SPATA13: variants seen among roughly 807,000 people sequenced by gnomAD.
The protein encoded by SPATA13 is spermatogenesis-associated protein 13.
A neutral mutation model predicts 104.0 loss-of-function variants in SPATA13; 50 were observed. The observed-to-expected ratio is 0.48, with a 90% CI of 0.38 to 0.61. The LOEUF is 0.61. SPATA13 is among the 20% of genes least tolerant of loss of function. SPATA13 has a pLI of 0.00. For synonymous variants in SPATA13, 606 were observed against 667.5 expected, an observed-to-expected ratio of 0.91 and a Z score of 1.42; for missense variants, 1,524 against 1,690.6, an observed-to-expected ratio of 0.90 and a Z score of 1.73.
rs185306765 is a variant in SPATA13 at position 24,104,855 on chromosome 13, A to G, written c.-112+87154A>G. On this transcript the variant is annotated intron_variant, in intron 3 of 14. Coordinates refer to the SPATA13 transcript ENST00000424834. ...CTCCTCTCCAGTTTTATTCATGCTC[A>G]CTCCCCCAGCTCCTCGCCAGAGGCC... Among the ~76,000 whole-genome samples, 388 of 151,810 alleles carry G rather than the reference A, an allele frequency of 2.6e-3. 1 individual carries two copies. Among genetic ancestry groups the G allele is most frequent in the Non-Finnish European group, 4.3e-3 (290 of 67,902 alleles).
At chr13:24,130,160 T>C (rs1030264171) in intron 3 of SPATA13, among the ~76,000 whole-genome samples, 7 of 152,200 alleles carry the variant, frequency 4.6e-5, no homozygotes, top group African/African-American at 1.7e-4. Flanking sequence ...CCTGCCTGGG[T>C]GCTCAGCACT....
At chr13:24,281,370 G>A (rs1314196795) in intron 4 of SPATA13, among the ~76,000 whole-genome samples, 2 of 152,174 alleles carry the variant, frequency 1.3e-5, no homozygotes, top group African/African-American at 4.8e-5. Context: ...TGGGTAGAGG[G>A]TGACTGGCAC....
rs1040106562 is a variant in SPATA13, at chr13:24,051,956, G to T, written c.-112+34255G>T. Among the ~76,000 whole-genome samples the T allele has an allele frequency of 2.0e-5, 3 of 152,278 alleles. No individual in the cohort carries two copies. The highest frequency in any genetic ancestry group is 7.2e-5 in the African/African-American group (3 of 41,556). On this transcript the variant is annotated intron_variant, in intron 3 of 14. Transcript: ENST00000424834. The surrounding 1 kb of genome is among the most constrained non-coding windows in gnomAD (Gnocchi z 4.2). ...GCTCCTCACCAGGTTCAGACGTCCT[G>T]GCTCTGGTCCTCCCACCTCATCTGT... is the stretch of plus-strand genomic sequence containing the variant.
intron 1 of SPATA13, among the ~76,000 whole-genome samples, chr13:24,197,696 T>A (rs2760365): frequency 6.6e-6 from 1 of 151,990 alleles, no homozygotes; most frequent in African/African-American, 2.4e-5. Flanking sequence ...TCAGTTAGAC[T>A]GGCTTTGGTG....
In SPATA13 at chr13:24,011,079, C is replaced by A. The variant is rs542347957; in HGVS notation, c.-146-6588C>A. Among the ~76,000 whole-genome samples the A allele has an allele frequency of 2.0e-5, 3 of 152,274 alleles. No homozygotes were observed. The South Asian group carries it at 6.2e-4, about 32-fold the overall frequency. On this transcript the variant is annotated intron_variant, in intron 2 of 14. Coordinates refer to the SPATA13 transcript ENST00000424834. The surrounding 1 kb of genome is among the most constrained non-coding windows in gnomAD (Gnocchi z 4.3). ...ACTCTGCAGTTTGCTGACTCCTCTG[C>A]AACCTTGGCTTTGGTTTCTCCCCAG...
At chr13:24,240,782 C>T (rs968426385) in intron 2 of SPATA13, among the ~76,000 whole-genome samples, 6 of 152,140 alleles carry the variant, frequency 3.9e-5, no homozygotes, top group African/African-American at 4.8e-5. Flanking sequence ...CATACAAGGC[C>T]ATAGGGTCAC....
chr13:24,284,375 C>T lies in SPATA13; in HGVS notation c.2301+104C>T, dbSNP rs139222310. 1.7e-4 allele frequency: 218 copies of T among 1,254,418 alleles called. No homozygotes were observed. The African/African-American group carries it at 2.9e-3, about 17-fold the overall frequency. The allele number at this position is 1,254,418 out of a possible 1,614,324, so 77.7% of individuals were successfully genotyped here. A position where few individuals can be genotyped will look rare whatever the true frequency, so the allele number is the denominator to read the frequency against. Reference sequence around the variant, plus strand: ...CTAGTTCTTCTTTACTAAGCATGTCCGAAAACCTGGAACTCTGATTAAAAC... The same window carrying T: ...CTAGTTCTTCTTTACTAAGCATGTCTGAAAACCTGGAACTCTGATTAAAAC... On this transcript the variant is annotated intron_variant, in intron 5 of 12. Transcript: ENST00000382108.
In SPATA13 at chr13:24,099,598, G is replaced by A. The variant is rs1034113995; in HGVS notation, c.-112+81897G>A. ...AGCGTGGGAAACAGACAGGTGTCCC[G>A]GGGAGGGCCCACAGCCCCCCGGGTG... On this transcript the variant is annotated intron_variant, in intron 3 of 14. Transcript: ENST00000424834. 7.9e-5 allele frequency among the ~76,000 whole-genome samples: 12 copies of A among 152,174 alleles called. No homozygotes were observed. The East Asian group carries it at 1.2e-3, about 15-fold the overall frequency.
intron 2 of SPATA13, among the ~76,000 whole-genome samples, chr13:24,012,766 A>G (rs947498352): frequency 6.6e-6 from 1 of 152,214 alleles, no homozygotes; most frequent in South Asian, 2.1e-4. Flanking sequence ...CCACTGCAAC[A>G]GTCAGTGTTG....
At chr13:24,071,865 T>C (rs530375928) in intron 3 of SPATA13, among the ~76,000 whole-genome samples, 43 of 152,332 alleles carry the variant, frequency 2.8e-4, no homozygotes, top group African/African-American at 9.9e-4. Flanking sequence ...TTGAGCAAGA[T>C]GATTCTCCCC....
At chr13:24,085,587 T>C (rs736081) in intron 3 of SPATA13, among the ~76,000 whole-genome samples, 76,619 of 152,002 alleles carry the variant, frequency 0.5, 19,955 homozygotes, top group Admixed American at 0.6. Flanking sequence ...AGGAAGGTGC[T>C]CCTTCTGCCA....
At chr13:24,079,803 C>G (rs555422080) in intron 3 of SPATA13, among the ~76,000 whole-genome samples, 7 of 152,148 alleles carry the variant, frequency 4.6e-5, no homozygotes, top group Non-Finnish European at 8.8e-5. Context: ...TTTGTACTTT[C>G]TGATTACATC....
At chr13:24,206,977 C>T (rs754017163) in intron 1 of SPATA13, among the ~76,000 whole-genome samples, 6 of 151,648 alleles carry the variant, frequency 4.0e-5, no homozygotes, top group Non-Finnish European at 5.9e-5. Flanking sequence ...CCTAAATGCT[C>T]ATCAGTAATA....
intron 1 of SPATA13, among the ~76,000 whole-genome samples, chr13:24,201,580 A>AAC (rs1870407509): frequency 6.6e-6 from 1 of 152,106 alleles, no homozygotes; most frequent in Non-Finnish European, 1.5e-5. Flanking sequence ...AACTGGGATT[A>AAC]CAGGTGCGTG....
intron 4 of SPATA13, chr13:24,278,878 TTCC>T: frequency 7.3e-6 from 4 of 547,032 alleles, no homozygotes; most frequent in East Asian, 9.5e-5. Flanking sequence ...TTTTCTTTCC[TTCC>T]TTCCTTCCTT....
chr13:24,097,550 T>C (rs2137798028), intron 3 of SPATA13, among the ~76,000 whole-genome samples: 1 of 151,844 alleles, frequency 6.6e-6, no homozygotes. Context: ...GTCCTTTGAA[T>C]CCTAACATGA....
intron 2 of SPATA13, among the ~76,000 whole-genome samples, chr13:23,992,229 C>G (rs1049874743): frequency 2.6e-5 from 4 of 152,164 alleles, no homozygotes; most frequent in Non-Finnish European, 4.4e-5. Context: ...CATCAGTGTC[C>G]AGGAGGTCTG....
chr13:24,149,050 C>T (rs947848304), intron 3 of SPATA13, among the ~76,000 whole-genome samples: 4 of 152,134 alleles, frequency 2.6e-5, no homozygotes, highest in African/African-American at 4.8e-5. Context: ...TTGAATGTCA[C>T]GGTAAACTTA....
At chr13:24,056,907 C>CTT (rs201165555) in intron 3 of SPATA13, among the ~76,000 whole-genome samples, 4 of 133,182 alleles carry the variant, frequency 3.0e-5, no homozygotes, top group Non-Finnish European at 6.5e-5. Context: ...AATGGAACTT[C>CTT]TTTTTTTTTT....
Sources: allele counts gnomAD v4.1 joint callset (sites outside exome capture counted in the v4.1 genomes callset), GRCh38; gene constraint gnomAD v4.1.1; non-coding constraint Gnocchi (gnomAD v3.1); transcripts MANE v1.5; gene names NCBI Gene and HGNC (gene_info 2026-07-23, HGNC 2026-07-21).